KCNH1: variants seen among roughly 807,000 people sequenced by gnomAD.
KCNH1 encodes voltage-gated delayed rectifier potassium channel KCNH1.
KCNH1 carries 27 observed loss-of-function variants against 69.2 expected under a neutral mutation model. The ratio of observed to expected loss-of-function variants is 0.39; its 90% CI spans 0.29 to 0.54. The LOEUF (loss-of-function observed/expected upper bound fraction) is 0.54. KCNH1 is among the 20% of genes least tolerant of loss of function. The pLI is 0.68. For synonymous variants in KCNH1, 456 were observed against 487.7 expected (o/e 0.93, Z 0.86); for missense variants, 798 against 1,261.6 (o/e 0.63, Z 5.57).
At chr1:210,759,259 CAG>C (rs540613833) in intron 10 of KCNH1, among the ~76,000 whole-genome samples, 10 of 151,590 alleles carry the variant, frequency 6.6e-5, no homozygotes, top group South Asian at 4.2e-4. Flanking sequence ...ATAAAAAATC[CAG>C]AGTGTTATGT....
At chr1:210,865,317 C>T (rs1314252611) in intron 7 of KCNH1, among the ~76,000 whole-genome samples, 1 of 152,198 alleles carries the variant, frequency 6.6e-6, no homozygotes, top group Non-Finnish European at 1.5e-5. Context: ...TTTATTATTA[C>T]TCCACGTTTT....
chr1:211,070,750 A>G (rs1014805006), intron 5 of KCNH1, among the ~76,000 whole-genome samples: 2 of 150,782 alleles, frequency 1.3e-5, no homozygotes, highest in African/African-American at 4.9e-5. Flanking sequence ...TGAACCCAGG[A>G]GGTGGAGGTT....
At chr1:210,823,380 G>C (rs969676656) in intron 7 of KCNH1, among the ~76,000 whole-genome samples, 1 of 152,212 alleles carries the variant, frequency 6.6e-6, no homozygotes, top group South Asian at 2.1e-4. Flanking sequence ...CCTTCCTGAG[G>C]TTGAAGACTC....
At chr1:211,081,613 T>C (rs1471898821) in intron 5 of KCNH1, among the ~76,000 whole-genome samples, 1 of 152,224 alleles carries the variant, frequency 6.6e-6, no homozygotes. Flanking sequence ...ATGTGGCACA[T>C]ATACACCATG....
chr1:211,067,045 C>T (rs1388998546), intron 5 of KCNH1, among the ~76,000 whole-genome samples: 1 of 152,166 alleles, frequency 6.6e-6, no homozygotes, highest in East Asian at 1.9e-4. Flanking sequence ...GATGGTGTCC[C>T]TTCCACATCT....
At chr1:210,742,952 C>A (rs1683069889) in intron 10 of KCNH1, among the ~76,000 whole-genome samples, 1 of 151,636 alleles carries the variant, frequency 6.6e-6, no homozygotes, top group Non-Finnish European at 1.5e-5. Context: ...ATTTATTGGT[C>A]CAAAAAATGT....
At position 210,678,652 on chromosome 1, in the gene KCNH1, T is replaced by G. The variant is rs1390331750; in HGVS notation, c.*4629A>C. ...AAGCCCCAGAATGATGAACTGCTCATAAGTAGAAGTGTCCTTGAGGTGTCG... is the reference window on the plus strand; with the variant it reads ...AAGCCCCAGAATGATGAACTGCTCAGAAGTAGAAGTGTCCTTGAGGTGTCG... On this transcript the variant is annotated 3_prime_UTR_variant, in exon 11 of 11. Coordinates refer to ENST00000271751, the MANE Select transcript of KCNH1 (RefSeq NM_172362.3). The G allele has an allele frequency of 3.9e-5, 6 of 152,226 alleles. No individual in the cohort carries two copies. Among genetic ancestry groups the G allele is most frequent in the Non-Finnish European group, 8.8e-5 (6 of 68,044 alleles). The allele number at this position is 152,226 out of a possible 1,614,324, so 9.4% of individuals were successfully genotyped here.
In KCNH1 at chr1:211,090,550, A is replaced by G. The variant is rs1392384300; in HGVS notation, c.439+12T>C. 1.9e-6 allele frequency: 3 copies of G among 1,592,286 alleles called. No homozygotes were observed. The highest frequency in any genetic ancestry group is 1.9e-5 in the Admixed American group (1 of 52,296). Reference sequence around the variant, plus strand: ...AGGCATAAATGTATTTGTACAAGTCAGAATTACAAACCTTTACATGAATCA... The same window carrying G: ...AGGCATAAATGTATTTGTACAAGTCGGAATTACAAACCTTTACATGAATCA... On this transcript the variant is annotated intron_variant, in intron 4 of 10. Transcript: ENST00000271751.
At chr1:210,766,435 G>C (rs1683633283) in intron 10 of KCNH1, among the ~76,000 whole-genome samples, 1 of 152,144 alleles carries the variant, frequency 6.6e-6, no homozygotes, top group South Asian at 2.1e-4. Flanking sequence ...TGAGGTGGGA[G>C]AATAACTTGA....
intron 10 of KCNH1, among the ~76,000 whole-genome samples, chr1:210,753,407 C>T (rs778478050): frequency 2.6e-5 from 4 of 152,310 alleles, no homozygotes; most frequent in Non-Finnish European, 2.9e-5. Flanking sequence ...ACAATTGAAA[C>T]GTGGAGTCAG....
At chr1:211,046,395 T>C (rs1355293157) in intron 5 of KCNH1, among the ~76,000 whole-genome samples, 2 of 152,180 alleles carry the variant, frequency 1.3e-5, no homozygotes, top group Non-Finnish European at 2.9e-5. Context: ...TGTAATAGCA[T>C]GAAAGTTTCC....
At chr1:210,848,326 C>A (rs903046686) in intron 7 of KCNH1, among the ~76,000 whole-genome samples, 1 of 152,196 alleles carries the variant, frequency 6.6e-6, no homozygotes, top group African/African-American at 2.4e-5. Context: ...GCTCACATTT[C>A]TCTTACTGAC....
intron 7 of KCNH1, among the ~76,000 whole-genome samples, chr1:210,887,569 TAAATGCCCC>T (rs896135861): frequency 6.6e-6 from 1 of 151,974 alleles, no homozygotes; most frequent in African/African-American, 2.4e-5. Context: ...GTAAACAGGC[TAAATGCCCC>T]AATTAAAAGA....
chr1:211,075,120 GT>G (rs1207705907), intron 5 of KCNH1, among the ~76,000 whole-genome samples: 1 of 152,156 alleles, frequency 6.6e-6, no homozygotes, highest in Non-Finnish European at 1.5e-5. Context: ...AGGAGAGGAG[GT>G]TTTTCTATTA....
chr1:210,882,022 A>G (rs1686504678), intron 7 of KCNH1, among the ~76,000 whole-genome samples: 1 of 152,158 alleles, frequency 6.6e-6, no homozygotes, highest in African/African-American at 2.4e-5. Flanking sequence ...AATGTAAACT[A>G]TGGACTTTGA....
chr1:211,080,304 CGA>C (rs1311829544), intron 5 of KCNH1, among the ~76,000 whole-genome samples: 1 of 152,004 alleles, frequency 6.6e-6, no homozygotes, highest in Non-Finnish European at 1.5e-5. Context: ...AACCACTGCT[CGA>C]TGAAATAAAA....
chr1:210,741,619 A>G (rs1186496302), intron 10 of KCNH1, among the ~76,000 whole-genome samples: 2 of 152,210 alleles, frequency 1.3e-5, no homozygotes, highest in African/African-American at 2.4e-5. Context: ...GAAAGCAGAC[A>G]TGAGGAGGAT....
At chr1:211,016,833 TG>T (rs1287741812) in intron 6 of KCNH1, among the ~76,000 whole-genome samples, 1 of 138,754 alleles carries the variant, frequency 7.2e-6, no homozygotes, top group African/African-American at 2.8e-5. Flanking sequence ...TGCCTGAACC[TG>T]GGAGGCAGAG....
intron 5 of KCNH1, among the ~76,000 whole-genome samples, chr1:211,037,766 T>C (rs769927281): frequency 2.0e-5 from 3 of 152,128 alleles, no homozygotes; most frequent in Non-Finnish European, 4.4e-5. Flanking sequence ...TACCTTGTGA[T>C]ATGGTTTGGC....
Sources: allele counts gnomAD v4.1 joint callset (sites outside exome capture counted in the v4.1 genomes callset), GRCh38; gene constraint gnomAD v4.1.1; transcripts MANE v1.5; gene names NCBI Gene and HGNC (gene_info 2026-07-23, HGNC 2026-07-21).